ADORA2B: variants seen among roughly 807,000 people sequenced by gnomAD.
ADORA2B encodes adenosine receptor A2b.
A neutral mutation model predicts 20.8 loss-of-function variants in ADORA2B; 18 were observed. The ratio of observed to expected loss-of-function variants is 0.87; its 90% confidence interval spans 0.60 to 1.29. The LOEUF (loss-of-function observed/expected upper bound fraction) is 1.29, where lower values mean the gene tolerates loss of function less well. Among genes scored for constraint, ADORA2B ranks in the 50% most tolerant of loss-of-function variants. The pLI, the probability that ADORA2B is intolerant of heterozygous loss-of-function variation, is 0.00. For missense variants in ADORA2B, 441 were observed against 422.7 expected, an observed-to-expected ratio of 1.04 and a Z score of -0.38; for synonymous variants, 179 against 178.3, an observed-to-expected ratio of 1.00 and a Z score of -0.03.
At chr17:15,929,968 T>G in the ADORA2B span, among the ~76,000 whole-genome samples, 1 of 152,222 alleles carries the variant, frequency 6.6e-6, no homozygotes, top group African/African-American at 2.4e-5. Flanking sequence ...ATAATGTGAA[T>G]GTACATTTTG....
At chr17:15,878,980 A>G in the ADORA2B span, among the ~76,000 whole-genome samples, 1 of 152,246 alleles carries the variant, frequency 6.6e-6, no homozygotes, top group South Asian at 2.1e-4. Flanking sequence ...CTACTTGATT[A>G]TGGTTAATAT....
At chr17:15,970,299 C>G (rs1970175621) in intron 1 of ADORA2B, among the ~76,000 whole-genome samples, 1 of 152,188 alleles carries the variant, frequency 6.6e-6, no homozygotes. Flanking sequence ...CAGTGACCAG[C>G]TGCCCCACTG....
the ADORA2B span, among the ~76,000 whole-genome samples, chr17:15,895,211 A>G: frequency 1.3e-5 from 2 of 152,322 alleles, no homozygotes; most frequent in African/African-American, 4.8e-5. Context: ...TGTTAAGCTC[A>G]TTTTAAAAAA....
At chr17:15,873,094 TAA>T in the ADORA2B span, among the ~76,000 whole-genome samples, 11 of 152,334 alleles carry the variant, frequency 7.2e-5, no homozygotes, top group African/African-American at 2.4e-4. Context: ...GCCTAGTTGT[TAA>T]GAGCTTTTAT....
At chr17:15,953,503 A>G (rs1969931757) in intron 1 of ADORA2B, among the ~76,000 whole-genome samples, 1 of 152,200 alleles carries the variant, frequency 6.6e-6, no homozygotes, top group African/African-American at 2.4e-5. Flanking sequence ...TTGTGCTGCC[A>G]TCTTGAAGCA....
At chr17:15,920,244 C>T in the ADORA2B span, among the ~76,000 whole-genome samples, 169 of 152,218 alleles carry the variant, frequency 1.1e-3, no homozygotes, top group Non-Finnish European at 1.8e-3. Context: ...GAGAGTGAGG[C>T]ATGAGAAGTT....
the ADORA2B span, among the ~76,000 whole-genome samples, chr17:15,874,068 GTA>G: frequency 0.01 from 752 of 73,034 alleles, 4 homozygotes; most frequent in African/African-American, 0.024. Context: ...ATGTGTGTGT[GTA>G]TATATATATA....
the ADORA2B span, among the ~76,000 whole-genome samples, chr17:15,937,495 T>C: frequency 6.6e-6 from 1 of 152,192 alleles, no homozygotes; most frequent in Non-Finnish European, 1.5e-5. Context: ...ATTATGGCAT[T>C]TTCATGTCTT....
At chr17:15,970,054 A>G (rs548609974) in intron 1 of ADORA2B, among the ~76,000 whole-genome samples, 1 of 152,208 alleles carries the variant, frequency 6.6e-6, no homozygotes, top group African/African-American at 2.4e-5. Flanking sequence ...CAAGGCCTCC[A>G]TGTTTCTCTT....
intron 1 of ADORA2B, among the ~76,000 whole-genome samples, chr17:15,958,558 C>G (rs1969998666): frequency 2.6e-5 from 4 of 152,176 alleles, no homozygotes; most frequent in Admixed American, 6.5e-5. Context: ...CCCTACTCCC[C>G]ACCTGGTCTG....
At chr17:15,944,778 T>TGGGGGGTCCTCTCGC (rs1969776093), upstream of ADORA2B, 1 of 151,996 alleles carries the variant, frequency 6.6e-6, no homozygotes, top group Non-Finnish European at 1.5e-5. The surrounding 1 kb of genome is among the most constrained non-coding windows in gnomAD (Gnocchi z 4.8). Flanking sequence ...TGCGCGGCCC[T>TGGGGGGTCCTCTCGC]GGGGGGTCCT....
the ADORA2B span, among the ~76,000 whole-genome samples, chr17:15,938,762 T>C: frequency 7.2e-5 from 11 of 152,248 alleles, no homozygotes; most frequent in African/African-American, 2.7e-4. Context: ...CCTACATATT[T>C]CTAAACATGC....
the ADORA2B span, among the ~76,000 whole-genome samples, chr17:15,872,613 C>T: frequency 6.6e-6 from 1 of 152,176 alleles, no homozygotes; most frequent in Non-Finnish European, 1.5e-5. Flanking sequence ...GATCTTTCAC[C>T]TCCTTGGTTA....
the ADORA2B span, among the ~76,000 whole-genome samples, chr17:15,912,345 A>G: frequency 1.3e-5 from 2 of 151,466 alleles, no homozygotes; most frequent in African/African-American, 4.9e-5. Context: ...GCACCACTGC[A>G]CTCCCACTTG....
At chr17:15,877,919 ATTTCTTG>A in the ADORA2B span, among the ~76,000 whole-genome samples, 15 of 151,884 alleles carry the variant, frequency 9.9e-5, no homozygotes, top group Non-Finnish European at 1.8e-4. Flanking sequence ...TATGTTAGTT[ATTTCTTG>A]TCCATCAACT....
At chr17:15,965,053 C>CT (rs1275089238) in intron 1 of ADORA2B, among the ~76,000 whole-genome samples, 1 of 144,810 alleles carries the variant, frequency 6.9e-6, no homozygotes, top group Non-Finnish European at 1.5e-5. Flanking sequence ...GAGCTAGACT[C>CT]TGTCTCAAAA....
the ADORA2B span, among the ~76,000 whole-genome samples, chr17:15,906,817 T>C: frequency 6.6e-6 from 1 of 152,212 alleles, no homozygotes; most frequent in Non-Finnish European, 1.5e-5. Context: ...TCTTCTGACA[T>C]GTGCAAAATA....
At chr17:15,918,447 G>A in the ADORA2B span, among the ~76,000 whole-genome samples, 1 of 152,230 alleles carries the variant, frequency 6.6e-6, no homozygotes, top group East Asian at 1.9e-4. Context: ...AATTAAATTT[G>A]GATTTCAGAT....
the ADORA2B span, among the ~76,000 whole-genome samples, chr17:15,933,510 G>A: frequency 6.6e-6 from 1 of 152,006 alleles, no homozygotes; most frequent in African/African-American, 2.4e-5. Context: ...TAAAAGTCTT[G>A]TGCTTCTTTG....
Sources: allele counts gnomAD v4.1 joint callset (sites outside exome capture counted in the v4.1 genomes callset), GRCh38; gene constraint gnomAD v4.1.1; non-coding constraint Gnocchi (gnomAD v3.1); transcripts MANE v1.5; gene names NCBI Gene and HGNC (gene_info 2026-07-23, HGNC 2026-07-21).